The following MEGF10 variants were observed in gnomAD, a reference collection of about 807,000 sequenced individuals.
MEGF10 encodes multiple EGF like domains 10, also known as multiple epidermal growth factor-like domains protein 10.
MEGF10 carries 86 observed loss-of-function variants against 147.5 expected under a neutral mutation model. That is an observed-to-expected ratio of 0.58 (90% CI 0.49 to 0.70). The LOEUF (loss-of-function observed/expected upper bound fraction) is 0.70, where lower values mean the gene tolerates loss of function less well. MEGF10 is among the 30% of genes least tolerant of loss of function. The probability of loss-of-function intolerance (pLI) is 0.00; values close to 1 mark genes in which losing one functional copy is unlikely to be tolerated. For synonymous variants in MEGF10, 478 were observed against 525.5 expected (o/e 0.91, Z 1.24); for missense variants, 1,329 against 1,487.3 (o/e 0.89, Z 1.75).
rs558369303 is a variant in MEGF10, at chr5:127,438,509, C to T, written c.2175C>T (p.Ser725=). The T allele has an allele frequency of 1.0e-3, 1,659 of 1,614,130 alleles. 39 individuals carry two copies. The South Asian group carries it at 0.017, about 16-fold the overall frequency. The change falls in exon 17 of 25, where the codon AGC becomes AGT. Residue 725 remains serine (S), a synonymous_variant. Coordinates refer to ENST00000503335, the MANE Select transcript of MEGF10 (RefSeq NM_001256545.2). ...ACTGCCATAATGGAGCTTTCTGCAG[C>T]GCCTACGATGGGGAATGTAAATGCA... ...TCNCHNGAFC[S]AYDGECKCTP...
intron 9 of MEGF10, among the ~76,000 whole-genome samples, chr5:127,411,695 C>T (rs1223015494): frequency 1.3e-5 from 2 of 152,136 alleles, no homozygotes; most frequent in Admixed American, 1.3e-4. Context: ...AAAATATTGC[C>T]TTTCTTTACT....
At chr5:127,307,628 A>G (rs1760073989) in intron 1 of MEGF10, among the ~76,000 whole-genome samples, 1 of 152,198 alleles carries the variant, frequency 6.6e-6, no homozygotes, top group Non-Finnish European at 1.5e-5. Context: ...CAACTTTAGC[A>G]TAGTCTCAAA....
At chr5:127,344,354 T>A (rs1761792857) in intron 4 of MEGF10, among the ~76,000 whole-genome samples, 1 of 152,218 alleles carries the variant, frequency 6.6e-6, no homozygotes, top group Non-Finnish European at 1.5e-5. Flanking sequence ...TCTAAAACAT[T>A]ATGAGGCAGA....
intron 5 of MEGF10, among the ~76,000 whole-genome samples, chr5:127,389,754 A>T (rs1763573819): frequency 6.6e-6 from 1 of 152,154 alleles, no homozygotes; most frequent in Non-Finnish European, 1.5e-5. Context: ...GGAACAACAG[A>T]CACTGTGGCC....
At chr5:127,383,813 G>T (rs1444596742) in intron 5 of MEGF10, among the ~76,000 whole-genome samples, 2 of 152,134 alleles carry the variant, frequency 1.3e-5, no homozygotes, top group Admixed American at 6.5e-5. Context: ...ATGAGCCTTT[G>T]TTATAGCATT....
At chr5:127,313,144 G>A (rs1760371665) in intron 1 of MEGF10, among the ~76,000 whole-genome samples, 2 of 152,152 alleles carry the variant, frequency 1.3e-5, no homozygotes, top group Non-Finnish European at 2.9e-5. Flanking sequence ...GTGAAGGCTG[G>A]TTCTCTGTGA....
At chr5:127,272,036 T>C in the MEGF10 span, among the ~76,000 whole-genome samples, 1 of 152,194 alleles carries the variant, frequency 6.6e-6, no homozygotes, top group Non-Finnish European at 1.5e-5. Context: ...GCCTAGATTT[T>C]CTTCTAGAGT....
At chr5:127,247,756 T>C in the MEGF10 span, among the ~76,000 whole-genome samples, 1 of 151,862 alleles carries the variant, frequency 6.6e-6, no homozygotes. Flanking sequence ...CACAGAGAAA[T>C]GGAGACCAAG....
intron 1 of MEGF10, among the ~76,000 whole-genome samples, chr5:127,315,496 C>A (rs1355905602): frequency 6.6e-6 from 1 of 152,072 alleles, no homozygotes; most frequent in African/African-American, 2.4e-5. Flanking sequence ...ATGAATCTTG[C>A]CGGGCGTGGT....
rs534133403 is a variant in MEGF10 at position 127,380,760 on chromosome 5, G to A, written c.412+10758G>A. Reference sequence around the variant, plus strand: ...TCTCGAACTCCTGACCTCATGATTCGCCCGCCTCGGCCTCCCAAAGTGCTG... The same window carrying A: ...TCTCGAACTCCTGACCTCATGATTCACCCGCCTCGGCCTCCCAAAGTGCTG... On this transcript the variant is annotated intron_variant, in intron 5 of 24. Coordinates refer to ENST00000503335, the MANE Select transcript of MEGF10 (RefSeq NM_001256545.2). 1.8e-3 allele frequency among the ~76,000 whole-genome samples: 276 copies of A among 152,010 alleles called. 1 individual carries two copies. Among genetic ancestry groups the A allele is most frequent in the African/African-American group, 6.2e-3 (259 of 41,464 alleles).
the MEGF10 span, among the ~76,000 whole-genome samples, chr5:127,237,908 TCTAA>T: frequency 6.6e-6 from 1 of 152,092 alleles, no homozygotes; most frequent in Non-Finnish European, 1.5e-5. Flanking sequence ...ATGCTAGTCA[TCTAA>T]CTGTTAAAAT....
the MEGF10 span, among the ~76,000 whole-genome samples, chr5:127,262,225 A>G: frequency 6.6e-6 from 1 of 152,132 alleles, no homozygotes; most frequent in African/African-American, 2.4e-5. Context: ...GTTATCTTCT[A>G]AGAATTTTAC....
chr5:127,234,939 G>A, the MEGF10 span, among the ~76,000 whole-genome samples: 1 of 151,938 alleles, frequency 6.6e-6, no homozygotes, highest in African/African-American at 2.4e-5. Flanking sequence ...CACCTCCCTG[G>A]TTCAAGCAAT....
chr5:127,414,822 G>T (rs1424602966), intron 9 of MEGF10, among the ~76,000 whole-genome samples: 1 of 152,172 alleles, frequency 6.6e-6, no homozygotes, highest in Non-Finnish European at 1.5e-5. Context: ...AGAAGAGAAA[G>T]AAGACATTAA....
At chr5:127,243,323 G>T in the MEGF10 span, among the ~76,000 whole-genome samples, 2 of 152,028 alleles carry the variant, frequency 1.3e-5, no homozygotes, top group African/African-American at 4.8e-5. Flanking sequence ...AGTAAATTCA[G>T]GACTATTAAA....
the MEGF10 span, among the ~76,000 whole-genome samples, chr5:127,240,407 C>T: frequency 6.6e-6 from 1 of 152,142 alleles, no homozygotes; most frequent in Non-Finnish European, 1.5e-5. Flanking sequence ...CTCTGTTTTG[C>T]TCATCATTGT....
the MEGF10 span, among the ~76,000 whole-genome samples, chr5:127,254,251 C>T: frequency 4.6e-5 from 7 of 152,028 alleles, no homozygotes; most frequent in African/African-American, 1.7e-4. Context: ...AGTCTCCGTC[C>T]CCCAACTCAA....
intron 1 of MEGF10, among the ~76,000 whole-genome samples, chr5:127,298,414 G>C (rs767391324): frequency 3.3e-5 from 5 of 152,158 alleles, no homozygotes; most frequent in Non-Finnish European, 7.3e-5. Flanking sequence ...GCTTTCAGCT[G>C]GTTCCTTAAA....
chr5:127,391,102 GCACACACACACACACACACACACA>G (rs70997334), intron 5 of MEGF10, among the ~76,000 whole-genome samples: 4 of 53,894 alleles, frequency 7.4e-5, no homozygotes, highest in African/African-American at 1.5e-4. Context: ...GCGCGCGCGC[GCACACACACACACACACACACACA>G]CACACACACA....
Sources: gnomAD v4.1 joint callset for allele counts (sites outside exome capture counted in the v4.1 genomes callset) on GRCh38, gnomAD v4.1.1 for gene constraint, MANE v1.5 for transcripts, NCBI Gene and HGNC (gene_info 2026-07-23, HGNC 2026-07-21) for gene names.